The following TENT5D variants were observed in gnomAD, a reference collection of about 807,000 sequenced individuals.
TENT5D encodes the protein cancer/testis antigen 112.
For synonymous variants in TENT5D, 103 were observed against 100.6 expected (o/e 1.02, Z -0.15); for missense variants, 191 against 287.0 (o/e 0.67, Z 2.42).
At chrX:80,392,063 T>C (rs1931139139) in intron 3 of TENT5D, among the ~76,000 whole-genome samples, 1 of 112,353 alleles carries the variant, frequency 8.9e-6, no homozygotes, top group Non-Finnish European at 1.9e-5. Context: ...AATTACTTCA[T>C]TTATTTAAGT....
intron 1 of TENT5D, among the ~76,000 whole-genome samples, chrX:80,421,358 T>G (rs1295001894): frequency 1.8e-5 from 2 of 111,048 alleles, no homozygotes; most frequent in African/African-American, 6.6e-5. Flanking sequence ...GCTAATTTTT[T>G]TTTGTATTTT....
chrX:80,336,355 A>G lies in TENT5D; in HGVS notation c.-207+639A>G, dbSNP rs1253835089. 2.7e-5 allele frequency among the ~76,000 whole-genome samples: 3 copies of G among 110,699 alleles called. No individual in the cohort carries two copies. In the Admixed American group the frequency reaches 2.9e-4, roughly 11 times the overall value. ...CTTCAGACTGTTACCCTAACTACAA[A>G]CCTTCGATGCTGGAAAAACAAACCT... is the stretch of plus-strand genomic sequence containing the variant. On this transcript the variant is annotated intron_variant, in intron 2 of 4. Transcript: ENST00000538312.
intron 3 of TENT5D, among the ~76,000 whole-genome samples, chrX:80,405,928 G>A (rs1328790546): frequency 1.8e-5 from 2 of 109,994 alleles, no homozygotes; most frequent in Non-Finnish European, 3.8e-5. Context: ...GCCTCCTCAA[G>A]TGGGTCCCTG....
At chrX:80,348,308 G>T (rs1012613012) in intron 3 of TENT5D, among the ~76,000 whole-genome samples, 5 of 111,828 alleles carry the variant, frequency 4.5e-5, no homozygotes, top group African/African-American at 1.3e-4. Flanking sequence ...AGCATGGAAT[G>T]TTTTTCCATT....
chrX:80,413,619 CT>C (rs1931715489), intron 3 of TENT5D, among the ~76,000 whole-genome samples: 1 of 111,849 alleles, frequency 8.9e-6, no homozygotes, highest in Admixed American at 9.5e-5. Context: ...GGGTTTTCCG[CT>C]TTTGCTTCTT....
chrX:80,413,303 A>G (rs1931707424), intron 3 of TENT5D, among the ~76,000 whole-genome samples: 1 of 112,380 alleles, frequency 8.9e-6, no homozygotes, highest in African/African-American at 3.2e-5. Flanking sequence ...TACATTTTTA[A>G]TGGTGAAACA....
intron 1 of TENT5D, among the ~76,000 whole-genome samples, chrX:80,421,781 G>T (rs892886975): frequency 1.8e-5 from 2 of 111,578 alleles, no homozygotes; most frequent in Admixed American, 1.9e-4. Flanking sequence ...TTGAAATGAG[G>T]GAGGGGACTT....
chrX:80,406,472 A>G (rs1369172177), intron 3 of TENT5D, among the ~76,000 whole-genome samples: 27 of 107,468 alleles, frequency 2.5e-4, no homozygotes, highest in Non-Finnish European at 5.2e-4. Context: ...TCAGGAGCCG[A>G]TGTGATCAAC....
At chrX:80,409,190 A>G (rs2147551859) in intron 3 of TENT5D, among the ~76,000 whole-genome samples, 1 of 111,039 alleles carries the variant, frequency 9.0e-6, no homozygotes, top group Non-Finnish European at 1.9e-5. Context: ...AACTGGCACA[A>G]GACAGGGATG....
chrX:80,347,346 T>A (rs1355697917), intron 3 of TENT5D, among the ~76,000 whole-genome samples: 2 of 112,126 alleles, frequency 1.8e-5, no homozygotes, highest in Non-Finnish European at 3.8e-5. Flanking sequence ...ATCTGTTGTT[T>A]CCAGACTTTT....
At chrX:80,394,299 AATG>A (rs1478552706) in intron 3 of TENT5D, among the ~76,000 whole-genome samples, 1 of 107,092 alleles carries the variant, frequency 9.3e-6, no homozygotes, top group Non-Finnish European at 1.9e-5. Context: ...TCATTTCCTT[AATG>A]ATTAGTGATG....
chrX:80,443,135 A>G lies in TENT5D; in HGVS notation c.596A>G (p.Tyr199Cys), dbSNP rs61755189. ...AATGCCAAGCTAACCAAAGAATCCT[A>G]TCCTGTTGTGGTAGCTGAAAGCATG... The change falls in exon 3 of 3, where the codon TAT becomes TGT. Residue 199 changes from tyrosine to cysteine, a missense_variant. Tyr to Cys is a radical substitution (Grantham distance 194, BLOSUM62 -2). Coordinates refer to ENST00000308293, the Ensembl canonical transcript of TENT5D. 1.0e-3 allele frequency: 1,235 copies of G among 1,209,331 alleles called. 14 individuals carry two copies. In the African/African-American group the frequency reaches 0.017, roughly 17 times the overall value.
exon 3 of TENT5D, chrX:80,442,559 C>T (rs1180055460): frequency 1.7e-6 from 2 of 1,201,341 alleles, no homozygotes; most frequent in African/African-American, 1.7e-5. Flanking sequence ...ATCAGATTCA[C>T]CAATCTCACT....
At chrX:80,388,514 G>C (rs774009073) in intron 3 of TENT5D, among the ~76,000 whole-genome samples, 5 of 111,613 alleles carry the variant, frequency 4.5e-5, no homozygotes, top group Non-Finnish European at 9.4e-5. Context: ...TTCTGGCCCA[G>C]TATATTTCTA....
chrX:80,422,471 C>CAA (rs909481925), intron 1 of TENT5D, among the ~76,000 whole-genome samples: 5 of 108,242 alleles, frequency 4.6e-5, no homozygotes, highest in African/African-American at 1.7e-4. Flanking sequence ...GACTATGTCT[C>CAA]AAAAAAAAAA....
chrX:80,375,409 T>C (rs1312048381), intron 3 of TENT5D, among the ~76,000 whole-genome samples: 1 of 111,179 alleles, frequency 9.0e-6, no homozygotes, highest in Non-Finnish European at 1.9e-5. Flanking sequence ...GCCTTATTTT[T>C]TTGTGGTCCC....
intron 3 of TENT5D, among the ~76,000 whole-genome samples, chrX:80,409,750 A>C (rs1300143577): frequency 1.6e-3 from 171 of 107,712 alleles, no homozygotes; most frequent in African/African-American, 5.4e-3. Flanking sequence ...AAACTACTTT[A>C]AAGTTCATAT....
At chrX:80,411,478 AT>A (rs1416295574) in intron 3 of TENT5D, among the ~76,000 whole-genome samples, 1 of 111,527 alleles carries the variant, frequency 9.0e-6, no homozygotes, top group Non-Finnish European at 1.9e-5. Context: ...ACCGTACAAG[AT>A]TTTTTTCTCA....
chrX:80,421,495 A>G (rs12688059), intron 1 of TENT5D, among the ~76,000 whole-genome samples: 13,552 of 111,871 alleles, frequency 0.12, 905 homozygotes, highest in East Asian at 0.48. Context: ...CCTCACTTGT[A>G]TAGCTTTTAA....
Sources: allele counts gnomAD v4.1 joint callset (sites outside exome capture counted in the v4.1 genomes callset), GRCh38; gene constraint gnomAD v4.1.1; transcripts MANE v1.5; gene names NCBI Gene and HGNC (gene_info 2026-07-23, HGNC 2026-07-21).